Variants in SUN1 observed in about 807,000 individuals in gnomAD.
SUN1 encodes the protein SUN domain-containing protein 1.
Under a neutral mutation model 103.2 loss-of-function variants are expected in SUN1, and 61 were observed. The ratio of observed to expected loss-of-function variants is 0.59; its 90% CI spans 0.48 to 0.73. The LOEUF is 0.73. Among genes scored for constraint, SUN1 ranks in the 30% least tolerant of loss-of-function variants. The pLI is 0.00. For missense variants in SUN1, 1,052 were observed against 1,034.6 expected, an observed-to-expected ratio of 1.02 and a Z score of -0.23; for synonymous variants, 490 against 425.7, an observed-to-expected ratio of 1.15 and a Z score of -1.86.
At chr7:823,789 A>G (rs1164060528) in intron 1 of SUN1, among the ~76,000 whole-genome samples, 3 of 152,030 alleles carry the variant, frequency 2.0e-5, no homozygotes, top group Non-Finnish European at 4.4e-5. Flanking sequence ...CAGGGCGGGA[A>G]TGGAGAGGGG....
Position 851,462 on chromosome 7 carries a change from G to C in SUN1, c.737G>C (p.Trp246Ser), listed in dbSNP as rs1822044705. 1 of 1,607,664 alleles carries C rather than the reference G, an allele frequency of 6.2e-7. No individual in the cohort carries two copies. The highest frequency in any genetic ancestry group is 8.5e-7 in the Non-Finnish European group (1 of 1,177,150). ...AVSRTAWSAL[W>S]LAVVAPGKAA... ...TCCAGGACGGCGTGGTCGGCCCTTT[G>C]GCTGGCCGTGGTTGCTCCAGGTGGC... Residue 246 changes from tryptophan (W) to serine (S), a missense_variant, in exon 6 of 19, where the codon TGG (tryptophan) becomes TCG (serine). Trp to Ser is a radical substitution (Grantham distance 177). Transcript: ENST00000401592.
rs1044085874 is a variant in SUN1 at position 855,006 on chromosome 7, G to A, written c.1350G>A (p.Glu450=). Reference sequence around the variant, plus strand: ...TGGGAAAACTGAGAGAAAAATCTGAGGTATTTATTTTTGACCTTACGCTTT... The same window carrying A: ...TGGGAAAACTGAGAGAAAAATCTGAAGTATTTATTTTTGACCTTACGCTTT... ...DILGKLREKS[E]AIQKELEQTK... is the part of the protein sequence containing the mutation. The change falls in exon 11 of 19, where the codon GAG becomes GAA. Residue 450 remains glutamate (E), a splice_region_variant and synonymous_variant. Transcript: ENST00000401592. 6.2e-7 allele frequency: 1 copy of A among 1,609,478 alleles called. No individual in the cohort carries two copies. The highest frequency in any genetic ancestry group is 1.7e-4 in the Middle Eastern group (1 of 6,048).
rs1812122487 is a variant in SUN1, at chr7:843,410, TCTC to T, written c.551_553del (p.Ser184del). On this transcript the variant is annotated inframe_deletion, in exon 5 of 19. Coordinates refer to ENST00000401592, the MANE Select transcript of SUN1 (RefSeq NM_001130965.3). ...GCCGCCGCCACCGCGCACAACGGCTTCTCCTGCAGCAACTGCAGCATGCTGTCC... is the reference window on the plus strand; with the variant it reads ...GCCGCCGCCACCGCGCACAACGGCTTCTGCAGCAACTGCAGCATGCTGTCC... 1.2e-6 allele frequency: 2 copies of T among 1,613,448 alleles called. No homozygotes were observed. The highest frequency in any genetic ancestry group is 1.3e-5 in the African/African-American group (1 of 74,944).
intron 1 of SUN1, 89 bp downstream of exon 1, chr7:832,690 C>T (rs1266453747): frequency 1.1e-6 from 1 of 937,102 alleles, no homozygotes; most frequent in Non-Finnish European, 1.7e-6. Context: ...CTCCATAGTA[C>T]TACCGACTAC....
chr7:831,901 C>G (rs1439251716), upstream of SUN1: 1 of 326,910 alleles, frequency 3.1e-6, no homozygotes, highest in Non-Finnish European at 4.4e-6. Flanking sequence ...CCAAATAAAT[C>G]TAGATGACAA....
At position 820,720 on chromosome 7, in the gene SUN1, C is replaced by T. The variant is rs187856182; in HGVS notation, c.-74+4047C>T. Among the ~76,000 whole-genome samples the T allele has an allele frequency of 3.2e-3, 489 of 152,254 alleles. 5 individuals carry two copies. Among genetic ancestry groups the T allele is most frequent in the Non-Finnish European group, 8.1e-4 (55 of 68,024 alleles). ...TTTATCATGTGAGGAAGTTCCCTTC[C>T]ATTCCTGGCTTGTTGAGTGTTTTTA... On this transcript the variant is annotated intron_variant, in intron 1 of 17. Transcript: ENST00000389574.
chr7:848,398 T>C, intron 5 of SUN1: 1 of 1,345,136 alleles, frequency 7.4e-7, no homozygotes, highest in Non-Finnish European at 9.8e-7. Flanking sequence ...AAATAACGCA[T>C]GTTCATGGTT....
chr7:852,608 G>A lies in SUN1; in HGVS notation c.852-1G>A. ...TCAAAGGTTTTCATTGTTACTCCCA[G>A]GTGCCTTCGAAACATCTGCAAGTTT... On this transcript the variant is annotated splice_acceptor_variant, in intron 7 of 18. Transcript: ENST00000401592. LOFTEE classifies it high-confidence loss of function. 6.2e-7 allele frequency: 1 copy of A among 1,614,180 alleles called. No homozygotes were observed. The highest frequency in any genetic ancestry group is 8.5e-7 in the Non-Finnish European group (1 of 1,180,034).
intron 1 of SUN1, among the ~76,000 whole-genome samples, chr7:826,100 C>T (rs1372385531): frequency 6.6e-6 from 1 of 152,046 alleles, no homozygotes; most frequent in Non-Finnish European, 1.5e-5. Context: ...TAACCAGGTG[C>T]CGTGACGCGC....
Position 852,099 on chromosome 7 carries a change from A to G in SUN1, c.851+56A>G, listed in dbSNP as rs554285579. The G allele has an allele frequency of 6.0e-5, 85 of 1,408,526 alleles. No homozygotes were observed. In the Middle Eastern group the frequency reaches 8.8e-4, roughly 15 times the overall value. The allele number at this position is 1,408,526 out of a possible 1,614,324, so 87.3% of individuals were successfully genotyped here. On this transcript the variant is annotated intron_variant, in intron 7 of 18. Coordinates refer to ENST00000401592, the MANE Select transcript of SUN1 (RefSeq NM_001130965.3). ...GCTTTAAGGAACCAATTTTGTGCCA[A>G]TTGCAGGCTCTCATTTGATTTGTTA...
Position 852,812 on chromosome 7 carries a change from G to A in SUN1, c.913G>A (p.Gly305Ser). Residue 305 changes from glycine (G) to serine (S), a missense_variant and splice_region_variant, in exon 9 of 19, where the codon GGT becomes AGT. By Grantham distance (56) the Gly-to-Ser change is moderately conservative. Transcript: ENST00000401592. Reference sequence around the variant, plus strand: ...GTGTGGTGGCTCTTCTCTTTTAGCAGGTCTCTCCTTACGGGGCCAGGGCAA... The same window carrying A: ...GTGTGGTGGCTCTTCTCTTTTAGCAAGTCTCTCCTTACGGGGCCAGGGCAA... Reference protein sequence around the residue: ...LLIPLFLLLAGLSLRGQGNFF... With the variant: ...LLIPLFLLLASLSLRGQGNFF... 1 of 1,612,378 alleles carries A rather than the reference G, an allele frequency of 6.2e-7. No homozygotes were observed. The highest frequency in any genetic ancestry group is 8.5e-7 in the Non-Finnish European group (1 of 1,178,856).
At chr7:836,075 G>A (rs1360206227) in intron 1 of SUN1, among the ~76,000 whole-genome samples, 1 of 152,258 alleles carries the variant, frequency 6.6e-6, no homozygotes, top group African/African-American at 2.4e-5. Flanking sequence ...GCCGAAACTA[G>A]CCGGCGCTGC....
At chr7:868,416 G>T in intron 16 of SUN1, 1 of 281,502 alleles carries the variant, frequency 3.6e-6, no homozygotes, top group Non-Finnish European at 7.0e-6. Context: ...GGGGCTGCAG[G>T]CTGCACCGTG....
rs367938801 is a variant in SUN1 at position 860,118 on chromosome 7, G to C, written c.1525-10G>C. The C allele has an allele frequency of 5.6e-6, 9 of 1,612,690 alleles. No individual in the cohort carries two copies. In the African/African-American group the frequency reaches 1.1e-4, roughly 19 times the overall value. Reference sequence around the variant, plus strand: ...AATAGGACATTTGTGTCCGTCTGCTGTTTTACTAGGTGGACGTGCAAGTCA... The same window carrying C: ...AATAGGACATTTGTGTCCGTCTGCTCTTTTACTAGGTGGACGTGCAAGTCA... On this transcript the variant is annotated splice_polypyrimidine_tract_variant and intron_variant, in intron 13 of 18. Transcript: ENST00000401592.
upstream of SUN1, chr7:816,201 C>T: frequency 5.0e-6 from 1 of 198,292 alleles, no homozygotes. Context: ...CCCCCAGGTG[C>T]AGACCCCTCC....
At chr7:832,384 T>C (rs1479109199), upstream of SUN1, 2 of 810,184 alleles carry the variant, frequency 2.5e-6, no homozygotes, top group South Asian at 3.1e-5. Flanking sequence ...CCGTGTTTCC[T>C]GTGAGTTTTG....
intron 3 of SUN1, chr7:842,518 G>T (rs1318285042): frequency 4.7e-6 from 1 of 211,880 alleles, no homozygotes; most frequent in African/African-American, 2.4e-5. Flanking sequence ...ACTTCAGTGT[G>T]TTTCCAAGAA....
At chr7:866,100 CTTCAGCA>C in intron 16 of SUN1, 33 bp downstream of exon 16, 1 of 1,582,546 alleles carries the variant, frequency 6.3e-7, no homozygotes, top group South Asian at 1.1e-5. Context: ...AGCTGCTCCT[CTTCAGCA>C]TGGACTCGGT....
At chr7:860,098 G>A in intron 13 of SUN1, 30 bp from the exon 14 acceptor site, 1 of 1,609,740 alleles carries the variant, frequency 6.2e-7, no homozygotes, top group Non-Finnish European at 8.5e-7. Flanking sequence ...GTTAAAATAG[G>A]ACATTTGTGT....
Sources: gnomAD v4.1 joint callset for allele counts (sites outside exome capture counted in the v4.1 genomes callset) on GRCh38, gnomAD v4.1.1 for gene constraint, MANE v1.5 for transcripts, NCBI Gene and HGNC (gene_info 2026-07-23, HGNC 2026-07-21) for gene names.